Variants in SEMA3E observed in about 807,000 individuals in gnomAD.
SEMA3E encodes semaphorin-3E.
A neutral mutation model predicts 93.6 loss-of-function variants in SEMA3E; 49 were observed. That is an observed-to-expected ratio of 0.52 (90% CI 0.42 to 0.66). The LOEUF (loss-of-function observed/expected upper bound fraction) is 0.66. SEMA3E is among the 30% of genes least tolerant of loss of function. SEMA3E has a pLI of 0.00. For missense variants in SEMA3E, 906 were observed against 964.8 expected (o/e 0.94, Z 0.81); for synonymous variants, 363 against 330.7 (o/e 1.10, Z -1.06).
chr7:83,430,714 A>G (rs889926908), intron 4 of SEMA3E, among the ~76,000 whole-genome samples: 1 of 152,118 alleles, frequency 6.6e-6, no homozygotes, highest in Non-Finnish European at 1.5e-5. Context: ...CATTAGGACA[A>G]ATACCTAATG....
intron 1 of SEMA3E, among the ~76,000 whole-genome samples, chr7:83,516,085 C>A (rs967988343): frequency 1.3e-5 from 2 of 152,076 alleles, no homozygotes; most frequent in Admixed American, 6.6e-5. Context: ...AGGAAAACAA[C>A]TGTTTGTCAG....
chr7:83,584,704 A>G (rs893663725), intron 1 of SEMA3E, among the ~76,000 whole-genome samples: 3 of 152,132 alleles, frequency 2.0e-5, no homozygotes, highest in African/African-American at 7.2e-5. Flanking sequence ...AATATTGACA[A>G]TAGATGTAAA....
At position 83,367,292 on chromosome 7, in the gene SEMA3E, T is replaced by C. The variant is rs905410118; in HGVS notation, c.*294A>G. ...ATAATCTTGTCTTCCAAAAGTAAAA[T>C]AATAATTTTCACAGAAAAGCAGCCA... On this transcript the variant is annotated 3_prime_UTR_variant, in exon 17 of 17. Transcript: ENST00000643230. 1.6e-5 allele frequency: 5 copies of C among 307,754 alleles called. No individual in the cohort carries two copies. Among genetic ancestry groups the C allele is most frequent in the Non-Finnish European group, 2.4e-5 (4 of 165,876 alleles). 19.1% of individuals were successfully genotyped at this position (307,754 alleles called of 1,614,324 possible).
chr7:83,632,256 G>A (rs1409741372), intron 1 of SEMA3E, among the ~76,000 whole-genome samples: 2 of 151,962 alleles, frequency 1.3e-5, no homozygotes, highest in Non-Finnish European at 2.9e-5. Flanking sequence ...TTTTAAGAGG[G>A]GCATTAGCAA....
At chr7:83,411,707 G>T (rs1244849940) in intron 5 of SEMA3E, among the ~76,000 whole-genome samples, 1 of 151,760 alleles carries the variant, frequency 6.6e-6, no homozygotes, top group Non-Finnish European at 1.5e-5. Flanking sequence ...ATAACTATTT[G>T]GTATCAGAAA....
At chr7:83,488,929 A>G (rs888511191) in intron 2 of SEMA3E, among the ~76,000 whole-genome samples, 15 of 152,140 alleles carry the variant, frequency 9.9e-5, no homozygotes, top group Admixed American at 2.0e-4. Context: ...AAATGGAAAA[A>G]ATGGGGTAAT....
intron 4 of SEMA3E, among the ~76,000 whole-genome samples, chr7:83,450,406 TGTAAATAAATTACA>T (rs1056608536): frequency 6.8e-4 from 57 of 83,558 alleles, no homozygotes; most frequent in African/African-American, 1.5e-3. Flanking sequence ...GTTATATCCA[TGTAAATAAATTACA>T]GTAATGAAAA....
intron 1 of SEMA3E, among the ~76,000 whole-genome samples, chr7:83,636,594 GT>G (rs1478381849): frequency 2.0e-5 from 3 of 152,066 alleles, no homozygotes; most frequent in African/African-American, 7.3e-5. Context: ...TTGTGAATTT[GT>G]AGTAATCATA....
intron 1 of SEMA3E, among the ~76,000 whole-genome samples, chr7:83,597,420 G>A (rs1792898389): frequency 6.6e-6 from 1 of 152,132 alleles, no homozygotes; most frequent in Non-Finnish European, 1.5e-5. Context: ...GTAATCTTCT[G>A]TATCTGTGGA....
At chr7:83,428,657 A>G (rs1418877582) in intron 4 of SEMA3E, among the ~76,000 whole-genome samples, 3 of 152,186 alleles carry the variant, frequency 2.0e-5, no homozygotes, top group African/African-American at 7.2e-5. Flanking sequence ...CTAAATAAAC[A>G]AGCAGAAAAA....
At chr7:83,375,350 T>C (rs912740903) in intron 16 of SEMA3E, among the ~76,000 whole-genome samples, 1 of 152,112 alleles carries the variant, frequency 6.6e-6, no homozygotes, top group Non-Finnish European at 1.5e-5. Context: ...TCTCTGCATG[T>C]CCTTATAAAA....
At chr7:83,417,401 T>C (rs1788575612) in intron 5 of SEMA3E, among the ~76,000 whole-genome samples, 1 of 152,108 alleles carries the variant, frequency 6.6e-6, no homozygotes, top group Non-Finnish European at 1.5e-5. Flanking sequence ...TCAAGTATAA[T>C]ATGGTTTAAT....
At chr7:83,446,810 T>C (rs528486287) in intron 4 of SEMA3E, among the ~76,000 whole-genome samples, 70 of 152,272 alleles carry the variant, frequency 4.6e-4, no homozygotes, top group African/African-American at 1.6e-3. Context: ...TCTTCCTTTT[T>C]TCATTTGTTA....
intron 4 of SEMA3E, among the ~76,000 whole-genome samples, chr7:83,462,800 C>CTA (rs1789656724): frequency 1.4e-5 from 2 of 141,680 alleles, no homozygotes; most frequent in African/African-American, 5.5e-5. Context: ...AGTTCAGGAT[C>CTA]TGCACCTTAT....
intron 1 of SEMA3E, among the ~76,000 whole-genome samples, chr7:83,561,196 T>C (rs964571362): frequency 3.3e-5 from 5 of 152,106 alleles, no homozygotes; most frequent in Non-Finnish European, 2.9e-5. Context: ...TGAGAATTAG[T>C]CACGGTTTTT....
At chr7:83,436,793 C>G (rs965699020) in intron 4 of SEMA3E, among the ~76,000 whole-genome samples, 5 of 152,086 alleles carry the variant, frequency 3.3e-5, no homozygotes, top group African/African-American at 1.2e-4. Context: ...TTGGAAGAAG[C>G]CAATATGGTA....
Position 83,392,650 on chromosome 7 carries a change from A to C in SEMA3E, c.1572T>G (p.Ser524Arg). ...GAGCCAGGCAGCAGTCAGCACAAGC[A>C]CTTCCATACATGTCACAGTGATGGA... Reference protein sequence around the residue: ...VRFHHCDMYGSACADCCLARD... With the variant: ...VRFHHCDMYGRACADCCLARD... Residue 524 changes from serine (S) to arginine (R), a missense_variant, in exon 14 of 17, where the codon AGT becomes AGG. Coordinates refer to ENST00000643230, the MANE Select transcript of SEMA3E (RefSeq NM_012431.3). The C allele has an allele frequency of 6.2e-7, 1 of 1,613,932 alleles. No homozygotes were observed. Among genetic ancestry groups the C allele is most frequent in the Non-Finnish European group, 8.5e-7 (1 of 1,179,886 alleles).
At position 83,400,123 on chromosome 7, in the gene SEMA3E, A is replaced by G; in HGVS notation, c.1271T>C (p.Leu424Ser). 6.2e-7 allele frequency: 1 copy of G among 1,613,922 alleles called. No homozygotes were observed. Among genetic ancestry groups the G allele is most frequent in the Non-Finnish European group, 8.5e-7 (1 of 1,179,940 alleles). The change falls in exon 11 of 17, where the codon TTG (leucine) becomes TCG (serine). Residue 424 changes from leucine to serine, a missense_variant. Coordinates refer to ENST00000643230, the MANE Select transcript of SEMA3E (RefSeq NM_012431.3). Reference sequence around the variant, plus strand: ...GTTATATTTTCCATCTGTTTTTACCAATATTGGTTTTTTATGGGCAGGTTT... The same window carrying G: ...GTTATATTTTCCATCTGTTTTTACCGATATTGGTTTTTTATGGGCAGGTTT... ...AIKPAHKKPILVKTDGKYNLK... is the reference protein window; with the variant it reads ...AIKPAHKKPISVKTDGKYNLK...
intron 1 of SEMA3E, among the ~76,000 whole-genome samples, chr7:83,594,508 T>G (rs1400459141): frequency 6.6e-6 from 1 of 152,132 alleles, no homozygotes; most frequent in Non-Finnish European, 1.5e-5. Flanking sequence ...TCCCCCAGAT[T>G]GCCAAAATAA....
Sources: allele counts gnomAD v4.1 joint callset (sites outside exome capture counted in the v4.1 genomes callset), GRCh38; gene constraint gnomAD v4.1.1; transcripts MANE v1.5; gene names NCBI Gene and HGNC (gene_info 2026-07-23, HGNC 2026-07-21).